RANBP17: variants seen among roughly 807,000 people sequenced by gnomAD.
RANBP17 encodes RAN binding protein 17.
Under a neutral mutation model 141.2 loss-of-function variants are expected in RANBP17, and 158 were observed. The ratio of observed to expected loss-of-function variants is 1.12; its 90% CI spans 0.98 to 1.28. The LOEUF (loss-of-function observed/expected upper bound fraction) is 1.28, where lower values mean the gene tolerates loss of function less well. Among genes scored for constraint, RANBP17 ranks in the 50% most tolerant of loss-of-function variants. The pLI, the probability that RANBP17 is intolerant of heterozygous loss-of-function variation, is 0.00. For synonymous variants in RANBP17, 430 were observed against 450.0 expected (o/e 0.96, Z 0.56); for missense variants, 1,438 against 1,290.7 (o/e 1.11, Z -1.75).
intron 14 of RANBP17, among the ~76,000 whole-genome samples, chr5:171,136,274 G>A (rs1214323792): frequency 1.3e-5 from 2 of 152,092 alleles, no homozygotes; most frequent in Admixed American, 1.3e-4. Flanking sequence ...CAAGTGGGAA[G>A]CGAAATTATT....
At chr5:171,250,514 A>T (rs1765489002) in intron 24 of RANBP17, among the ~76,000 whole-genome samples, 1 of 152,220 alleles carries the variant, frequency 6.6e-6, no homozygotes, top group African/African-American at 2.4e-5. Context: ...AAATGGATTT[A>T]AATTATCCAG....
At position 171,182,587 on chromosome 5, in the gene RANBP17, A is replaced by T. The variant is rs1021443741; in HGVS notation, c.1866-580A>T. Among the ~76,000 whole-genome samples the T allele has an allele frequency of 2.6e-5, 4 of 152,346 alleles. No homozygotes were observed. The East Asian group carries it at 7.7e-4, about 29-fold the overall frequency. On this transcript the variant is annotated intron_variant, in intron 16 of 27. Transcript: ENST00000523189. ...ATAATACTTAACAGTGTAATTGTGA[A>T]GATTAGGTGAATTAACATATGGAAA...
chr5:170,878,008 T>A (rs1768331450), intron 1 of RANBP17, 89 bp from the exon 2 acceptor site: 1 of 871,106 alleles, frequency 1.1e-6, no homozygotes. Context: ...TGAATACACA[T>A]GTGATATTTG....
intron 13 of RANBP17, among the ~76,000 whole-genome samples, chr5:170,955,681 T>TATATATATATATAC (rs769742239): frequency 1.0e-4 from 4 of 39,094 alleles, no homozygotes; most frequent in African/African-American, 3.0e-4. Flanking sequence ...TATATATATA[T>TATATATATATATAC]ACACTGAATG....
chr5:171,288,817 G>A (rs920181032), intron 25 of RANBP17, among the ~76,000 whole-genome samples: 3 of 152,128 alleles, frequency 2.0e-5, no homozygotes, highest in African/African-American at 7.2e-5. Context: ...AAATGATGGT[G>A]CCCTGGCCTT....
chr5:171,062,350 G>T (rs1783942394), intron 14 of RANBP17, among the ~76,000 whole-genome samples: 2 of 152,286 alleles, frequency 1.3e-5, no homozygotes, highest in South Asian at 4.1e-4. Flanking sequence ...TGTAGGGCAG[G>T]CCTAGTGGTG....
At chr5:171,295,661 A>C (rs764152818) in intron 26 of RANBP17, among the ~76,000 whole-genome samples, 3 of 152,156 alleles carry the variant, frequency 2.0e-5, no homozygotes, top group Non-Finnish European at 2.9e-5. Context: ...CACTAGAACA[A>C]TTACAGCAAG....
At chr5:171,001,110 G>T (rs193084048) in intron 14 of RANBP17, among the ~76,000 whole-genome samples, 1 of 152,200 alleles carries the variant, frequency 6.6e-6, no homozygotes, top group African/African-American at 2.4e-5. Context: ...AATATTTTGG[G>T]GGTGGTATGG....
intron 22 of RANBP17, among the ~76,000 whole-genome samples, chr5:171,222,649 C>T (rs1427544729): frequency 1.3e-5 from 2 of 151,570 alleles, no homozygotes; most frequent in Non-Finnish European, 2.9e-5. Context: ...TTTTTTGAGA[C>T]GGAGTCTCAC....
chr5:171,137,600 GTGTGTCTGTGTGTGTGTGTGTGTGTC>G (rs1757387403), intron 14 of RANBP17, among the ~76,000 whole-genome samples: 2 of 143,432 alleles, frequency 1.4e-5, no homozygotes, highest in African/African-American at 5.6e-5. Flanking sequence ...GTGTGTGTGT[GTGTGTCTGTGTGTGTGTGTGTGTGTC>G]TGTGTGTGTG....
At chr5:171,233,558 TA>T (rs570006111) in intron 22 of RANBP17, among the ~76,000 whole-genome samples, 2 of 150,810 alleles carry the variant, frequency 1.3e-5, no homozygotes, top group African/African-American at 2.4e-5. Flanking sequence ...TATTCAGCAC[TA>T]AAAAAAAATA....
intron 24 of RANBP17, among the ~76,000 whole-genome samples, chr5:171,245,541 C>T (rs1177084255): frequency 2.0e-5 from 3 of 151,930 alleles, no homozygotes; most frequent in Non-Finnish European, 2.9e-5. Flanking sequence ...CTCGAACTCC[C>T]GACCTTGGAT....
chr5:170,933,480 T>C (rs1773579665), intron 12 of RANBP17, among the ~76,000 whole-genome samples: 2 of 152,234 alleles, frequency 1.3e-5, no homozygotes, highest in Non-Finnish European at 2.9e-5. Context: ...TGCTCTTCCT[T>C]CTCTAGTTCT....
chr5:171,180,632 CA>C (rs1173225889), intron 16 of RANBP17, among the ~76,000 whole-genome samples: 2 of 152,178 alleles, frequency 1.3e-5, no homozygotes, highest in African/African-American at 2.4e-5. Flanking sequence ...TTTAACATTA[CA>C]GACCCACTTA....
chr5:171,250,414 G>A lies in RANBP17; in HGVS notation c.2776+7594G>A, dbSNP rs571438900. ...CAAACCACAATTAGTAAGAGAAAAA[G>A]ATGGGAAAAAAGAATATGTAAAACA... is the stretch of plus-strand genomic sequence containing the variant. On this transcript the variant is annotated intron_variant, in intron 24 of 27. Coordinates refer to ENST00000523189, the MANE Select transcript of RANBP17 (RefSeq NM_022897.5). Among the ~76,000 whole-genome samples, 26 of 152,178 alleles carry A rather than the reference G, an allele frequency of 1.7e-4. 1 individual carries two copies. In the South Asian group the frequency reaches 5.2e-3, roughly 30 times the overall value.
chr5:171,253,186 CA>C (rs1251731533), intron 24 of RANBP17, among the ~76,000 whole-genome samples: 1 of 152,182 alleles, frequency 6.6e-6, no homozygotes. Flanking sequence ...GCTCAGGTAT[CA>C]TGCTGTCTGT....
chr5:171,132,809 A>C (rs182780390), intron 14 of RANBP17, among the ~76,000 whole-genome samples: 2 of 152,224 alleles, frequency 1.3e-5, no homozygotes, highest in Admixed American at 6.5e-5. Flanking sequence ...TGATTTTCTA[A>C]GCTATAGTAA....
intron 22 of RANBP17, among the ~76,000 whole-genome samples, chr5:171,234,980 G>A (rs1764446107): frequency 6.6e-6 from 1 of 152,186 alleles, no homozygotes; most frequent in Admixed American, 6.5e-5. Context: ...AAATATAGAG[G>A]AAGACTTAGG....
At chr5:170,910,846 C>CAGTA in intron 6 of RANBP17, 123 bp from the exon 7 acceptor site, 1 of 910,534 alleles carries the variant, frequency 1.1e-6, no homozygotes. Context: ...ATATATGGAA[C>CAGTA]AGTATAACTT....
Sources: allele counts gnomAD v4.1 joint callset (sites outside exome capture counted in the v4.1 genomes callset), GRCh38; gene constraint gnomAD v4.1.1; transcripts MANE v1.5; gene names NCBI Gene and HGNC (gene_info 2026-07-23, HGNC 2026-07-21).